Variants in MARVELD2 observed in about 807,000 individuals in gnomAD.
MARVELD2 encodes the protein MARVEL domain containing 2.
A neutral mutation model predicts 57.6 loss-of-function variants in MARVELD2; 49 were observed. The observed-to-expected ratio is 0.85, with a 90% CI of 0.68 to 1.08. MARVELD2 has a LOEUF of 1.08. Among genes scored for constraint, MARVELD2 ranks in the 50% least tolerant of loss-of-function variants. The pLI, the probability that MARVELD2 is intolerant of heterozygous loss-of-function variation, is 0.00. For synonymous variants in MARVELD2, 238 were observed against 258.8 expected (o/e 0.92, Z 0.77); for missense variants, 606 against 701.1 (o/e 0.86, Z 1.53).
chr5:69,437,285 G>A, intron 5 of MARVELD2, among the ~76,000 whole-genome samples: 1 of 151,328 alleles, frequency 6.6e-6, no homozygotes, highest in Non-Finnish European at 1.5e-5. Flanking sequence ...GGAAGTCTGA[G>A]GCAGGAGAAT....
intron 5 of MARVELD2, among the ~76,000 whole-genome samples, chr5:69,436,268 G>C (rs1767133846): frequency 6.6e-6 from 1 of 152,004 alleles, no homozygotes; most frequent in Non-Finnish European, 1.5e-5. Flanking sequence ...GGCTGAGGCA[G>C]GCAAGTCGTG....
chr5:69,440,513 G>A lies in MARVELD2; in HGVS notation c.1554+13G>A, dbSNP rs553794687. 2 of 1,386,940 alleles carry A rather than the reference G, an allele frequency of 1.4e-6. No homozygotes were observed. The highest frequency in any genetic ancestry group is 3.4e-5 in the Admixed American group (2 of 58,638). 85.9% of individuals were successfully genotyped at this position (1,386,940 alleles called of 1,614,324 possible). On this transcript the variant is annotated intron_variant, in intron 6 of 6. Transcript: ENST00000325631. The stretch of plus-strand genomic sequence containing the variant: ...GAAAAAAAAGAATGTGAGTAAAACA[G>A]TTTTCTTCAAACTGTATTCTTATCC...
intron 1 of MARVELD2, among the ~76,000 whole-genome samples, chr5:69,416,825 T>G (rs1766445040): frequency 6.6e-6 from 1 of 152,226 alleles, no homozygotes; most frequent in African/African-American, 2.4e-5. Flanking sequence ...GCCTAGCCAG[T>G]CTTCCTGTTT....
At chr5:69,416,065 G>A (rs1363974478) in intron 1 of MARVELD2, among the ~76,000 whole-genome samples, 1 of 152,186 alleles carries the variant, frequency 6.6e-6, no homozygotes, top group African/African-American at 2.4e-5. Flanking sequence ...AGGGTGGTTT[G>A]ATTCAAATAA....
In MARVELD2 at chr5:69,440,435, A is replaced by G. The variant is rs1385486284; in HGVS notation, c.1504-15A>G. 2 of 1,226,300 alleles carry G rather than the reference A, an allele frequency of 1.6e-6. No homozygotes were observed. Among genetic ancestry groups the G allele is most frequent in the African/African-American group, 3.0e-5 (2 of 67,416 alleles). 76.0% of individuals were successfully genotyped at this position (1,226,300 alleles called of 1,614,324 possible). On this transcript the variant is annotated splice_polypyrimidine_tract_variant and intron_variant, in intron 5 of 6. Transcript: ENST00000325631. Reference sequence around the variant, plus strand: ...GCAAATGTTTTAACTTAAGTATACAATGTATTATTTTTAGGAACATGAGAG... The same window carrying G: ...GCAAATGTTTTAACTTAAGTATACAGTGTATTATTTTTAGGAACATGAGAG...
Position 69,436,444 on chromosome 5 carries a change from CACACACACAT to C in MARVELD2, c.1503+3353_1503+3362del, listed in dbSNP as rs778083227. ...ACACACACACACACACACACACACA[CACACACACAT>C]ATATATAAATTTTTTACCTGAGAAG... is the stretch of plus-strand genomic sequence containing the variant. On this transcript the variant is annotated intron_variant, in intron 5 of 6. Coordinates refer to ENST00000325631, the MANE Select transcript of MARVELD2 (RefSeq NM_001038603.3). Among the ~76,000 whole-genome samples, 633 of 141,988 alleles carry C rather than the reference CACACACACAT, an allele frequency of 4.5e-3. 9 individuals are homozygous for C. Among genetic ancestry groups the C allele is most frequent in the South Asian group, 0.02 (87 of 4,360 alleles). The allele number at this position is 141,988 out of a possible 152,430, so 93.1% of individuals were successfully genotyped here.
At chr5:69,429,127 G>A (rs1766882344) in intron 3 of MARVELD2, among the ~76,000 whole-genome samples, 1 of 152,134 alleles carries the variant, frequency 6.6e-6, no homozygotes, top group South Asian at 2.1e-4. Context: ...CAAGTGGCGA[G>A]GCATGCTTTC....
rs375420522 is a variant in MARVELD2 at position 69,420,392 on chromosome 5, G to T, written c.1007G>T (p.Arg336Leu). Residue 336 changes from arginine (R) to leucine (L), a missense_variant, in exon 2 of 7, where the codon CGG (arginine) becomes CTG (leucine). Transcript: ENST00000325631. Reference sequence around the variant, plus strand: ...ACACCAGTGAATGCAGTGTTCTGCCGGGTAGAAGGAGGACAGATAGCTGCA... The same window carrying T: ...ACACCAGTGAATGCAGTGTTCTGCCTGGTAGAAGGAGGACAGATAGCTGCA... Reference protein sequence around the residue: ...FNTPVNAVFCRVEGGQIAAMI... With the variant: ...FNTPVNAVFCLVEGGQIAAMI... 2.5e-6 allele frequency: 4 copies of T among 1,613,896 alleles called. No homozygotes were observed. The highest frequency in any genetic ancestry group is 3.4e-6 in the Non-Finnish European group (4 of 1,180,026).
In MARVELD2 at chr5:69,442,935, T is replaced by A. The variant is rs1767367850; in HGVS notation, c.*1281T>A. 1 of 151,924 alleles carries A rather than the reference T, an allele frequency of 6.6e-6. No individual in the cohort carries two copies. Among genetic ancestry groups the A allele is most frequent in the South Asian group, 2.1e-4 (1 of 4,778 alleles). 9.4% of individuals were successfully genotyped at this position (151,924 alleles called of 1,614,324 possible). A position where few individuals can be genotyped will look rare whatever the true frequency, so the allele number is the denominator to read the frequency against. On this transcript the variant is annotated 3_prime_UTR_variant, in exon 7 of 7. Coordinates refer to ENST00000325631, the MANE Select transcript of MARVELD2 (RefSeq NM_001038603.3). ...GCTCCGCCTCCCAAGTTCACGTCAT[T>A]TTCCTGCCTCAGCCTCCCGAGTAGC...
intron 3 of MARVELD2, among the ~76,000 whole-genome samples, chr5:69,430,462 T>C (rs1766925970): frequency 1.3e-5 from 2 of 152,060 alleles, no homozygotes. Flanking sequence ...GCAGTCCTCC[T>C]GCTTTGGCCT....
At chr5:69,431,370 C>A (rs972681169) in intron 3 of MARVELD2, among the ~76,000 whole-genome samples, 1 of 152,100 alleles carries the variant, frequency 6.6e-6, no homozygotes, top group African/African-American at 2.4e-5. Flanking sequence ...ACCTCGGCCT[C>A]CCAAGGTGCT....
At position 69,441,737 on chromosome 5, in the gene MARVELD2, C is replaced by G; in HGVS notation, c.*83C>G. ...TCGCTCTGTTACCCAGGCTGGAATG[C>G]AGTGGCACAATCTCGGCTCACTGCA... On this transcript the variant is annotated 3_prime_UTR_variant, in exon 7 of 7. Transcript: ENST00000325631. 1 of 1,013,894 alleles carries G rather than the reference C, an allele frequency of 9.9e-7. No individual in the cohort carries two copies. The highest frequency in any genetic ancestry group is 1.4e-5 in the South Asian group (1 of 70,580). The allele number at this position is 1,013,894 out of a possible 1,614,324, so 62.8% of individuals were successfully genotyped here.
In MARVELD2 at chr5:69,433,086, G is replaced by A; in HGVS notation, c.1496G>A (p.Ser499Asn). Residue 499 changes from serine (S) to asparagine (N), a missense_variant, in exon 5 of 7, where the codon AGC becomes AAC. Ser to Asn is a conservative substitution (Grantham distance 46). Transcript: ENST00000325631. ...AGCAGATTGCCACATCATTCGGAAAGCCGACAGGTTAGTATGTGCAGCTGC... is the reference window on the plus strand; with the variant it reads ...AGCAGATTGCCACATCATTCGGAAAACCGACAGGTTAGTATGTGCAGCTGC... ...VMSRLPHHSESRQEHERISRI... is the reference protein window; with the variant it reads ...VMSRLPHHSENRQEHERISRI... The A allele has an allele frequency of 1.2e-6, 2 of 1,608,146 alleles. No individual in the cohort carries two copies. Among genetic ancestry groups the A allele is most frequent in the Non-Finnish European group, 1.7e-6 (2 of 1,176,536 alleles).
chr5:69,425,734 AC>A (rs1766769790), intron 3 of MARVELD2, among the ~76,000 whole-genome samples: 1 of 135,266 alleles, frequency 7.4e-6, no homozygotes. Flanking sequence ...TAATAATAAT[AC>A]TTTTTTTTTT....
rs564447937 is a variant in MARVELD2 at position 69,440,630 on chromosome 5, T to C, written c.1554+130T>C. 9.1e-5 allele frequency: 57 copies of C among 624,918 alleles called. 1 individual carries two copies. The highest frequency in any genetic ancestry group is 8.4e-4 in the South Asian group (46 of 55,052). 38.7% of individuals were successfully genotyped at this position (624,918 alleles called of 1,614,324 possible). On this transcript the variant is annotated intron_variant, in intron 6 of 6. Coordinates refer to ENST00000325631, the MANE Select transcript of MARVELD2 (RefSeq NM_001038603.3). The stretch of plus-strand genomic sequence containing the variant: ...ATGGGATGCTCCTTTTAAGAGAAAA[T>C]GGCTGCTGGATGCCATTTCTTCTCA...
At chr5:69,431,830 C>CTTCT (rs1332229259) in intron 3 of MARVELD2, among the ~76,000 whole-genome samples, 1 of 97,818 alleles carries the variant, frequency 1.0e-5, no homozygotes, top group East Asian at 3.3e-4. Flanking sequence ...TCTTCTTCTT[C>CTTCT]TTTTTTTTTT....
At chr5:69,435,749 T>G (rs1767114487) in intron 5 of MARVELD2, among the ~76,000 whole-genome samples, 1 of 78,678 alleles carries the variant, frequency 1.3e-5, no homozygotes, top group Non-Finnish European at 2.4e-5. Context: ...TGAGACCCTG[T>G]CTCAAAAAAA....
At chr5:69,434,072 G>A (rs531024223) in intron 5 of MARVELD2, among the ~76,000 whole-genome samples, 43 of 152,240 alleles carry the variant, frequency 2.8e-4, no homozygotes, top group African/African-American at 9.6e-4. Context: ...GAAAGGGAAT[G>A]TAGGGAAGCC....
intron 5 of MARVELD2, among the ~76,000 whole-genome samples, chr5:69,436,428 CACACACACACACACACACACACACAT>C (rs1374399187): frequency 2.1e-5 from 3 of 141,224 alleles, no homozygotes; most frequent in African/African-American, 7.8e-5. Flanking sequence ...CACACACACA[CACACACACACACACACACACACACAT>C]ATATATAAAT....
Sources: allele counts gnomAD v4.1 joint callset (sites outside exome capture counted in the v4.1 genomes callset), GRCh38; gene constraint gnomAD v4.1.1; transcripts MANE v1.5; gene names NCBI Gene and HGNC (gene_info 2026-07-23, HGNC 2026-07-21).